Variants in ZNF648 observed in about 807,000 individuals in gnomAD.
ZNF648 encodes zinc finger protein 648.
Under a neutral mutation model 0.3 loss-of-function variants are expected in ZNF648, and 1 was observed. The observed-to-expected ratio is 3.90, with a 90% CI of 1.39 to 18.51. The LOEUF is 18.51. Ranked by LOEUF, ZNF648 falls within the 30% of genes most tolerant of loss-of-function variation. The pLI, the probability that ZNF648 is intolerant of heterozygous loss-of-function variation, is 0.11. For synonymous variants in ZNF648, 376 were observed against 326.8 expected (o/e 1.15, Z -1.62); for missense variants, 874 against 769.7 (o/e 1.14, Z -1.60).
chr1:182,062,638 C>T (rs538473721), upstream of ZNF648: 5 of 152,038 alleles, frequency 3.3e-5, no homozygotes, highest in South Asian at 2.1e-4. Context: ...GAGCTTAGTT[C>T]GGTGTTTGGA....
chr1:182,065,219 A>G (rs1666082778), upstream of ZNF648, among the ~76,000 whole-genome samples: 1 of 152,084 alleles, frequency 6.6e-6, no homozygotes. Flanking sequence ...TTAGATTCCC[A>G]AACACTGTCC....
intron 1 of ZNF648, among the ~76,000 whole-genome samples, chr1:182,059,964 CA>C (rs1377865734): frequency 6.6e-6 from 1 of 152,200 alleles, no homozygotes; most frequent in Non-Finnish European, 1.5e-5. Flanking sequence ...CATTAAGCCC[CA>C]AATGGTCCTG....
In ZNF648 at chr1:182,056,313, A is replaced by C. The variant is rs764406731; in HGVS notation, c.1698T>G (p.Ser566=). 1.1e-5 allele frequency: 17 copies of C among 1,610,558 alleles called. No individual in the cohort carries two copies. The highest frequency in any genetic ancestry group is 1.4e-5 in the Non-Finnish European group (17 of 1,178,054). The stretch of plus-strand genomic sequence containing the variant: ...GTCGACGATGCTATCTTCACTCGTC[A>C]GAGGAGGAAGGGATGGGCTCCTTCT... ...TCKKEPIPSS[S]DE The change falls in exon 2 of 2, where the codon TCT becomes TCG. Residue 566 remains serine, a synonymous_variant. Transcript: ENST00000339948.
chr1:182,060,707 G>T (rs2101921825), intron 1 of ZNF648, among the ~76,000 whole-genome samples: 1 of 152,218 alleles, frequency 6.6e-6, no homozygotes. Context: ...TTCATAGAGG[G>T]GACATACCAC....
In ZNF648 at chr1:182,056,359, C is replaced by A. The variant is rs751027244; in HGVS notation, c.1652G>T (p.Arg551Leu). ...FTRSNHLQRH[R>L]AKHGTCKKEP... is the part of the protein sequence containing the mutation. Reference sequence around the variant, plus strand: ...CTTCTTGCAGGTGCCGTGCTTGGCTCGGTGTCGTTGGAGGTGATTGGACCT... The same window carrying A: ...CTTCTTGCAGGTGCCGTGCTTGGCTAGGTGTCGTTGGAGGTGATTGGACCT... Residue 551 changes from arginine (R) to leucine (L), a missense_variant, in exon 2 of 2, where the codon CGA becomes CTA. Arg to Leu is a moderately radical substitution (Grantham distance 102). Transcript: ENST00000339948. 2.0e-5 allele frequency: 32 copies of A among 1,613,938 alleles called. No homozygotes were observed. The highest frequency in any genetic ancestry group is 2.7e-5 in the Non-Finnish European group (32 of 1,179,984).
the ZNF648 span, among the ~76,000 whole-genome samples, chr1:182,069,535 G>A: frequency 6.6e-6 from 1 of 152,266 alleles, no homozygotes; most frequent in Admixed American, 6.5e-5. Context: ...GGATTCTCCT[G>A]GCAGGATGAG....
rs374821145 is a variant in ZNF648, at chr1:182,054,848, A to ACTATCTAG, written c.*1448_*1455dup. 12 of 152,230 alleles carry ACTATCTAG rather than the reference A, an allele frequency of 7.9e-5. No individual in the cohort carries two copies. Among genetic ancestry groups the ACTATCTAG allele is most frequent in the Non-Finnish European group, 1.2e-4 (8 of 68,042 alleles). The allele number at this position is 152,230 out of a possible 1,614,324, so 9.4% of individuals were successfully genotyped here. A position where few individuals can be genotyped will look rare whatever the true frequency, so the allele number is the denominator to read the frequency against. On this transcript the variant is annotated 3_prime_UTR_variant, in exon 2 of 2. Coordinates refer to ENST00000339948, the MANE Select transcript of ZNF648 (RefSeq NM_001009992.1). ...TTACCTTGGTCAAACAAGACACAAG[A>ACTATCTAG]CTATCTAGCTATCTAGCTATCTAGC...
At chr1:182,060,458 G>A (rs1666012447) in intron 1 of ZNF648, among the ~76,000 whole-genome samples, 1 of 152,186 alleles carries the variant, frequency 6.6e-6, no homozygotes, top group African/African-American at 2.4e-5. Flanking sequence ...GAGCAGTATG[G>A]AGGAATCCTC....
chr1:182,057,086 A>G lies in ZNF648; in HGVS notation c.925T>C (p.Cys309Arg), dbSNP rs1571277429. 3.7e-6 allele frequency: 6 copies of G among 1,612,194 alleles called. No homozygotes were observed. The highest frequency in any genetic ancestry group is 4.2e-6 in the Non-Finnish European group (5 of 1,179,900). ...GTGTAGGCCTTGTCGCAGAAGGAGCACTGGTAGGGCCGCTCGCCCGTGTGC... is the reference window on the plus strand; with the variant it reads ...GTGTAGGCCTTGTCGCAGAAGGAGCGCTGGTAGGGCCGCTCGCCCGTGTGC... ...RLHTGERPYQ[C>R]SFCDKAYTWS... Residue 309 changes from cysteine to arginine, a missense_variant, in exon 2 of 2, where the codon TGC becomes CGC. Cys to Arg is a radical substitution (Grantham distance 180, BLOSUM62 -3). Coordinates refer to ENST00000339948, the MANE Select transcript of ZNF648 (RefSeq NM_001009992.1).
upstream of ZNF648, chr1:182,064,183 A>G (rs964583190): frequency 3.3e-5 from 5 of 152,104 alleles, no homozygotes; most frequent in African/African-American, 1.2e-4. Context: ...TGGCTCTACA[A>G]GCTCTTGTTT....
chr1:182,060,048 TG>T (rs1219437760), intron 1 of ZNF648, among the ~76,000 whole-genome samples: 1 of 152,214 alleles, frequency 6.6e-6, no homozygotes, highest in Non-Finnish European at 1.5e-5. Context: ...TGCAGCATCC[TG>T]GGGTGAAAAG....
intron 1 of ZNF648, among the ~76,000 whole-genome samples, chr1:182,059,932 G>A (rs1465938213): frequency 6.6e-6 from 1 of 152,220 alleles, no homozygotes; most frequent in Non-Finnish European, 1.5e-5. Context: ...GCAGCAGTGG[G>A]GTTTCTCTCT....
chr1:182,066,843 T>C, the ZNF648 span, among the ~76,000 whole-genome samples: 1 of 152,226 alleles, frequency 6.6e-6, no homozygotes, highest in Non-Finnish European at 1.5e-5. Flanking sequence ...CCTAGAGCTA[T>C]TGGGAGCTTG....
intron 1 of ZNF648, among the ~76,000 whole-genome samples, chr1:182,058,715 G>C (rs970075996): frequency 2.0e-5 from 3 of 152,208 alleles, no homozygotes; most frequent in East Asian, 1.9e-4. Context: ...TGCCAGGAAG[G>C]CTACCCATAA....
chr1:182,059,457 C>T (rs1180378560), intron 1 of ZNF648, among the ~76,000 whole-genome samples: 1 of 152,160 alleles, frequency 6.6e-6, no homozygotes, highest in East Asian at 1.9e-4. Flanking sequence ...AACTGTTGAC[C>T]AGAGGGCTAA....
intron 1 of ZNF648, among the ~76,000 whole-genome samples, chr1:182,058,288 AC>A (rs1445733513): frequency 6.6e-6 from 1 of 152,000 alleles, no homozygotes; most frequent in Admixed American, 6.6e-5. Flanking sequence ...GCCCCAGGAG[AC>A]CATGCTGTCA....
At chr1:182,063,993 T>C (rs538255223), upstream of ZNF648, 1 of 152,300 alleles carries the variant, frequency 6.6e-6, no homozygotes, top group East Asian at 1.9e-4. Flanking sequence ...TGTCAGGTTT[T>C]CGGAAGATCA....
At chr1:182,068,177 T>G in the ZNF648 span, 1 of 152,216 alleles carries the variant, frequency 6.6e-6, no homozygotes, top group Non-Finnish European at 1.5e-5. Flanking sequence ...ATGATGAAGC[T>G]GTTGGAAATT....
At position 182,054,827 on chromosome 1, in the gene ZNF648, C is replaced by CATAATAA. The variant is rs1665882681; in HGVS notation, c.*1476_*1477insTTATTAT. On this transcript the variant is annotated 3_prime_UTR_variant, in exon 2 of 2. Transcript: ENST00000339948. ...GGATGGACTCTTTTATTACGGTTAC[C>CATAATAA]TTGGTCAAACAAGACACAAGACTAT... 6.6e-6 allele frequency: 1 copy of CATAATAA among 152,196 alleles called. No homozygotes were observed. The highest frequency in any genetic ancestry group is 6.5e-5 in the Admixed American group (1 of 15,282). The allele number at this position is 152,196 out of a possible 1,614,324, so 9.4% of individuals were successfully genotyped here.
Sources: gnomAD v4.1 joint callset for allele counts (sites outside exome capture counted in the v4.1 genomes callset) on GRCh38, gnomAD v4.1.1 for gene constraint, MANE v1.5 for transcripts, NCBI Gene and HGNC (gene_info 2026-07-23, HGNC 2026-07-21) for gene names.